SPATA17: variants seen among roughly 807,000 people sequenced by gnomAD.
The protein encoded by SPATA17 is spermatogenesis associated 17.
SPATA17 carries 53 observed loss-of-function variants against 62.2 expected under a neutral mutation model. The ratio of observed to expected loss-of-function variants is 0.85; its 90% CI spans 0.68 to 1.07. The LOEUF (loss-of-function observed/expected upper bound fraction) is 1.07. SPATA17 is among the 50% of genes least tolerant of loss of function. SPATA17 has a pLI of 0.00. For missense variants in SPATA17, 466 were observed against 425.5 expected, an observed-to-expected ratio of 1.10 and a Z score of -0.84; for synonymous variants, 146 against 146.8, an observed-to-expected ratio of 0.99 and a Z score of 0.04.
intron 9 of SPATA17, among the ~76,000 whole-genome samples, chr1:217,859,047 T>C (rs1189665134): frequency 5.4e-5 from 8 of 148,740 alleles, no homozygotes; most frequent in African/African-American, 2.0e-4. Flanking sequence ...ATAAATAAAA[T>C]AAAATAAAAT....
At chr1:217,705,788 T>C (rs145406497) in intron 5 of SPATA17, among the ~76,000 whole-genome samples, 1 of 152,304 alleles carries the variant, frequency 6.6e-6, no homozygotes, top group East Asian at 1.9e-4. Flanking sequence ...GTCTTCTTCA[T>C]GAAAACTTTG....
intron 3 of SPATA17, 79 bp from the exon 4 acceptor site, chr1:217,668,942 GTATAAAGATTCT>G: frequency 9.2e-7 from 1 of 1,084,156 alleles, no homozygotes; most frequent in South Asian, 1.4e-5. Flanking sequence ...TATGTATTAT[GTATAAAGATTCT>G]TATCTTTTAT....
At chr1:217,660,582 G>A (rs866427624) in intron 3 of SPATA17, among the ~76,000 whole-genome samples, 1 of 152,196 alleles carries the variant, frequency 6.6e-6, no homozygotes, top group East Asian at 1.9e-4. Flanking sequence ...TCCCACCGAT[G>A]TGGGGCTTGT....
intron 9 of SPATA17, among the ~76,000 whole-genome samples, chr1:217,858,394 G>A (rs1312598897): frequency 6.6e-6 from 1 of 152,164 alleles, no homozygotes; most frequent in East Asian, 1.9e-4. Context: ...TTAAGAGCCA[G>A]ATAGTTTGTC....
intron 3 of SPATA17, among the ~76,000 whole-genome samples, chr1:217,658,393 G>T (rs1670487641): frequency 6.6e-6 from 1 of 152,132 alleles, no homozygotes; most frequent in South Asian, 2.1e-4. Flanking sequence ...GCTTCCTGAG[G>T]CCTCACTAGA....
intron 8 of SPATA17, among the ~76,000 whole-genome samples, chr1:217,783,158 T>C (rs1673772611): frequency 6.6e-6 from 1 of 150,720 alleles, no homozygotes; most frequent in Admixed American, 6.6e-5. Context: ...AATCATGTGC[T>C]AATTGTTACA....
At chr1:217,740,962 T>C (rs577815400) in intron 5 of SPATA17, among the ~76,000 whole-genome samples, 1 of 152,358 alleles carries the variant, frequency 6.6e-6, no homozygotes, top group South Asian at 2.1e-4. Flanking sequence ...GTATGAAGTA[T>C]TGTATTAGTG....
At chr1:217,688,261 A>AT (rs201654185) in intron 5 of SPATA17, among the ~76,000 whole-genome samples, 1,789 of 152,214 alleles carry the variant, frequency 0.012, 29 homozygotes, top group African/African-American at 0.035. Flanking sequence ...AAACAAAAAT[A>AT]TTTTTTAAAA....
intron 6 of SPATA17, among the ~76,000 whole-genome samples, chr1:217,746,548 T>C (rs1462450163): frequency 1.6e-5 from 2 of 126,126 alleles, no homozygotes; most frequent in Non-Finnish European, 3.8e-5. Context: ...ATAGATGATA[T>C]AAGATTATGT....
chr1:217,706,716 A>G (rs1228713792), intron 5 of SPATA17, among the ~76,000 whole-genome samples: 1 of 152,048 alleles, frequency 6.6e-6, no homozygotes, highest in Admixed American at 6.6e-5. Context: ...GGACTAATAC[A>G]CTATCCGTGA....
At chr1:217,792,830 G>A (rs1481234671) in intron 8 of SPATA17, among the ~76,000 whole-genome samples, 2 of 152,126 alleles carry the variant, frequency 1.3e-5, no homozygotes, top group East Asian at 1.9e-4. Flanking sequence ...AGATTGAGGA[G>A]AGCAGAGGCA....
At chr1:217,781,495 A>G (rs1221658574) in intron 7 of SPATA17, among the ~76,000 whole-genome samples, 1 of 152,186 alleles carries the variant, frequency 6.6e-6, no homozygotes, top group Non-Finnish European at 1.5e-5. Flanking sequence ...AATAACAACT[A>G]ACTTGAAAGC....
At chr1:217,811,937 T>C (rs2102992451) in intron 9 of SPATA17, among the ~76,000 whole-genome samples, 1 of 152,272 alleles carries the variant, frequency 6.6e-6, no homozygotes, top group African/African-American at 2.4e-5. Context: ...TTATTAATTA[T>C]TGGTGGATTA....
At chr1:217,848,937 T>C (rs953109107) in intron 9 of SPATA17, among the ~76,000 whole-genome samples, 5 of 152,126 alleles carry the variant, frequency 3.3e-5, no homozygotes, top group Admixed American at 6.6e-5. Context: ...TTCCAGTTTT[T>C]CTATCAACTT....
At chr1:217,690,052 G>A (rs565730065) in intron 5 of SPATA17, among the ~76,000 whole-genome samples, 10 of 152,046 alleles carry the variant, frequency 6.6e-5, no homozygotes, top group East Asian at 3.9e-4. Flanking sequence ...ACAGGTGTGC[G>A]CCACCACACC....
In SPATA17 at chr1:217,681,647, T is replaced by C. The variant is rs554034878; in HGVS notation, c.292-1611T>C. ...CTCCAGACCTTGTGATCTTCCCGCCTTGGCCTCCCAAAGTCCTGGGATTAG... is the reference window on the plus strand; with the variant it reads ...CTCCAGACCTTGTGATCTTCCCGCCCTGGCCTCCCAAAGTCCTGGGATTAG... On this transcript the variant is annotated intron_variant, in intron 4 of 10. Transcript: ENST00000366933. Among the ~76,000 whole-genome samples the C allele has an allele frequency of 6.2e-4, 95 of 152,200 alleles. 1 individual carries two copies. Among genetic ancestry groups the C allele is most frequent in the Non-Finnish European group, 1.1e-3 (78 of 68,036 alleles).
At chr1:217,757,046 G>C (rs959229661) in intron 6 of SPATA17, among the ~76,000 whole-genome samples, 2 of 152,132 alleles carry the variant, frequency 1.3e-5, no homozygotes, top group African/African-American at 4.8e-5. Flanking sequence ...TGATAAAACG[G>C]AAGATTCATT....
At chr1:217,809,498 G>T (rs1025148393) in intron 9 of SPATA17, among the ~76,000 whole-genome samples, 9 of 152,144 alleles carry the variant, frequency 5.9e-5, no homozygotes, top group African/African-American at 2.2e-4. Context: ...GAGGGCTTTT[G>T]TGCTGTGTCA....
At chr1:217,668,078 G>T (rs548729849) in intron 3 of SPATA17, among the ~76,000 whole-genome samples, 2 of 152,232 alleles carry the variant, frequency 1.3e-5, no homozygotes, top group East Asian at 1.9e-4. Context: ...AAGAGTTAAG[G>T]CACTTTTTTC....
Sources: gnomAD v4.1 joint callset for allele counts (sites outside exome capture counted in the v4.1 genomes callset) on GRCh38, gnomAD v4.1.1 for gene constraint, MANE v1.5 for transcripts, NCBI Gene and HGNC (gene_info 2026-07-23, HGNC 2026-07-21) for gene names.